Variants in LYPLAL1 observed in about 807,000 individuals in gnomAD.
LYPLAL1 encodes the protein lysophospholipase-like protein 1.
In LYPLAL1, 23 loss-of-function variants were observed where a neutral mutation model predicts 19.7. The ratio of observed to expected loss-of-function variants is 1.17; its 90% CI spans 0.84 to 1.65. LYPLAL1 has a LOEUF of 1.65. LYPLAL1 is among the 40% of genes most tolerant of loss of function. The pLI, the probability that LYPLAL1 is intolerant of heterozygous loss-of-function variation, is 0.00. For synonymous variants in LYPLAL1, 119 were observed against 96.3 expected (o/e 1.24, Z -1.38); for missense variants, 355 against 279.4 (o/e 1.27, Z -1.93).
At chr1:219,249,692 C>G in the LYPLAL1 span, among the ~76,000 whole-genome samples, 5 of 151,972 alleles carry the variant, frequency 3.3e-5, no homozygotes, top group African/African-American at 4.8e-5. Flanking sequence ...CATATTGTTG[C>G]CCACCCTTGG....
chr1:219,439,252 A>G, the LYPLAL1 span, among the ~76,000 whole-genome samples: 1 of 152,006 alleles, frequency 6.6e-6, no homozygotes. Flanking sequence ...CACTTCCTTT[A>G]TGCCTTCCAT....
At chr1:219,245,262 T>C in the LYPLAL1 span, among the ~76,000 whole-genome samples, 1 of 150,174 alleles carries the variant, frequency 6.7e-6, no homozygotes, top group African/African-American at 2.4e-5. Flanking sequence ...TAGAGGGAGC[T>C]CATTTACCAT....
the LYPLAL1 span, among the ~76,000 whole-genome samples, chr1:219,328,811 T>C: frequency 7.9e-5 from 12 of 152,166 alleles, no homozygotes; most frequent in Admixed American, 2.6e-4. Flanking sequence ...TTTGTTGCAA[T>C]TATTTTCTTC....
the LYPLAL1 span, among the ~76,000 whole-genome samples, chr1:219,230,862 T>C: frequency 6.6e-6 from 1 of 152,220 alleles, no homozygotes; most frequent in Non-Finnish European, 1.5e-5. Flanking sequence ...AAGAGCTGAA[T>C]TCTTAAGACA....
At chr1:219,347,012 AC>A in the LYPLAL1 span, among the ~76,000 whole-genome samples, 1 of 152,222 alleles carries the variant, frequency 6.6e-6, no homozygotes, top group African/African-American at 2.4e-5. Flanking sequence ...TTTAAACCAC[AC>A]AAGCACCTCT....
chr1:219,361,041 CA>C, the LYPLAL1 span, among the ~76,000 whole-genome samples: 3 of 152,182 alleles, frequency 2.0e-5, no homozygotes, highest in East Asian at 5.8e-4. Context: ...ACAAAATACT[CA>C]AAAAAGACAT....
chr1:219,434,168 T>C, the LYPLAL1 span, among the ~76,000 whole-genome samples: 1 of 152,212 alleles, frequency 6.6e-6, no homozygotes, highest in African/African-American at 2.4e-5. Context: ...TTAGTTCCAA[T>C]TAAAATAGAG....
the LYPLAL1 span, among the ~76,000 whole-genome samples, chr1:219,299,691 G>A: frequency 0.038 from 5,858 of 152,274 alleles, 166 homozygotes; most frequent in Non-Finnish European, 0.055. Flanking sequence ...GCCCTTTCAT[G>A]AGCTGGCCTA....
At chr1:219,272,642 A>T in the LYPLAL1 span, 2 of 152,058 alleles carry the variant, frequency 1.3e-5, no homozygotes, top group Non-Finnish European at 2.9e-5. Context: ...CTGAGTGCTC[A>T]TCTGTAATCC....
the LYPLAL1 span, among the ~76,000 whole-genome samples, chr1:219,301,299 C>A: frequency 1.1e-4 from 17 of 152,034 alleles, no homozygotes; most frequent in African/African-American, 4.1e-4. Flanking sequence ...TCTAAGAAAA[C>A]AGGTACAAAA....
chr1:219,355,274 T>TAAACA, the LYPLAL1 span, among the ~76,000 whole-genome samples: 1 of 151,524 alleles, frequency 6.6e-6, no homozygotes, highest in African/African-American at 2.4e-5. Context: ...ATAACCACCA[T>TAAACA]AAACAAAACA....
the LYPLAL1 span, among the ~76,000 whole-genome samples, chr1:219,287,171 C>G: frequency 1.4e-4 from 21 of 152,126 alleles, no homozygotes; most frequent in Non-Finnish European, 2.8e-4. Flanking sequence ...CCAAAACAAT[C>G]CTCTTTTTAT....
At chr1:219,316,950 A>G in the LYPLAL1 span, among the ~76,000 whole-genome samples, 12 of 152,272 alleles carry the variant, frequency 7.9e-5, no homozygotes, top group East Asian at 2.1e-3. Flanking sequence ...TAAAAGGTGA[A>G]AAGTATTACG....
chr1:219,385,430 C>G, the LYPLAL1 span, among the ~76,000 whole-genome samples: 1 of 152,082 alleles, frequency 6.6e-6, no homozygotes, highest in South Asian at 2.1e-4. Context: ...AATAGTTGGC[C>G]TATCCTTGAG....
the LYPLAL1 span, among the ~76,000 whole-genome samples, chr1:219,328,228 T>C: frequency 6.6e-6 from 1 of 152,228 alleles, no homozygotes; most frequent in Non-Finnish European, 1.5e-5. Context: ...GGGTTGGCGA[T>C]ACTTCCGGTT....
chr1:219,387,915 TCTAATTCACACA>T, the LYPLAL1 span, among the ~76,000 whole-genome samples: 1 of 152,316 alleles, frequency 6.6e-6, no homozygotes, highest in Non-Finnish European at 1.5e-5. Context: ...TAGATTCGGT[TCTAATTCACACA>T]CAGGTGATGC....
chr1:219,208,026 T>C (rs1312414628), intron 3 of LYPLAL1, among the ~76,000 whole-genome samples: 1 of 151,990 alleles, frequency 6.6e-6, no homozygotes, highest in South Asian at 2.1e-4. Flanking sequence ...ATTTTAGAGA[T>C]GTAGTTTTAT....
At chr1:219,369,054 A>G in the LYPLAL1 span, among the ~76,000 whole-genome samples, 1 of 152,222 alleles carries the variant, frequency 6.6e-6, no homozygotes, top group Non-Finnish European at 1.5e-5. Flanking sequence ...TAATAATGAA[A>G]CCAAATAAAA....
At chr1:219,287,171 C>T in the LYPLAL1 span, among the ~76,000 whole-genome samples, 5 of 152,126 alleles carry the variant, frequency 3.3e-5, no homozygotes, top group Admixed American at 6.6e-5. Context: ...CCAAAACAAT[C>T]CTCTTTTTAT....
Sources: gnomAD v4.1 joint callset for allele counts (sites outside exome capture counted in the v4.1 genomes callset) on GRCh38, gnomAD v4.1.1 for gene constraint, MANE v1.5 for transcripts, NCBI Gene and HGNC (gene_info 2026-07-23, HGNC 2026-07-21) for gene names.